ZNF136: variants seen among roughly 807,000 people sequenced by gnomAD.
ZNF136 encodes the protein zinc finger protein 136, also known as zinc finger protein 136 (clone pHZ-20).
A neutral mutation model predicts 11.4 loss-of-function variants in ZNF136; 8 were observed. The ratio of observed to expected loss-of-function variants is 0.70; its 90% CI spans 0.41 to 1.27. ZNF136 has a LOEUF of 1.27. Among genes scored for constraint, ZNF136 ranks in the 50% most tolerant of loss-of-function variants. The pLI, the probability that ZNF136 is intolerant of heterozygous loss-of-function variation, is 0.01. For missense variants in ZNF136, 590 were observed against 656.5 expected, an observed-to-expected ratio of 0.90 and a Z score of 1.11; for synonymous variants, 190 against 207.1, an observed-to-expected ratio of 0.92 and a Z score of 0.71.
chr19:12,166,227 C>CAAAAA (rs748858496), intron 1 of ZNF136, among the ~76,000 whole-genome samples: 1,990 of 135,182 alleles, frequency 0.015, 41 homozygotes, highest in African/African-American at 0.052. Context: ...GACTCCGTCT[C>CAAAAA]AAAAAAAAAA....
chr19:12,184,654 C>G (rs551700497), intron 1 of ZNF136: 1 of 151,798 alleles, frequency 6.6e-6, no homozygotes, highest in African/African-American at 2.4e-5. Context: ...CAAGTATTCT[C>G]TCTTAGTATA....
chr19:12,173,039 A>T (rs111328551), intron 1 of ZNF136, among the ~76,000 whole-genome samples: 24 of 152,084 alleles, frequency 1.6e-4, no homozygotes, highest in African/African-American at 5.8e-4. Flanking sequence ...TCCCGGAGAG[A>T]GGAGAGTAGC....
intron 1 of ZNF136, among the ~76,000 whole-genome samples, chr19:12,175,565 GC>G (rs1480287111): frequency 6.6e-6 from 1 of 152,110 alleles, no homozygotes; most frequent in Non-Finnish European, 1.5e-5. Context: ...GTTCCCTTAT[GC>G]CCCCTATTCC....
Position 12,186,180 on chromosome 19 carries a change from T to C in ZNF136, c.191+6T>C. On this transcript the variant is annotated splice_donor_region_variant and intron_variant, in intron 3 of 3. Coordinates refer to ENST00000343979, the MANE Select transcript of ZNF136 (RefSeq NM_003437.5). The stretch of plus-strand genomic sequence containing the variant: ...CACCGAGGGAGAAATCTAAGGTAAT[T>C]TGTACTCAGAGAAAGCAAATTCACT... 3.1e-6 allele frequency: 5 copies of C among 1,606,988 alleles called. No homozygotes were observed. The highest frequency in any genetic ancestry group is 4.2e-6 in the Non-Finnish European group (5 of 1,178,082).
rs1350306069 is a variant in ZNF136 at position 12,188,832 on chromosome 19, A to C, written c.*831A>C. On this transcript the variant is annotated 3_prime_UTR_variant, in exon 4 of 4. Transcript: ENST00000343979. Reference sequence around the variant, plus strand: ...GTCATTTGAAAACTTCTAATACAGCAAAATCCTATAAATGTAAGTACTTCA... The same window carrying C: ...GTCATTTGAAAACTTCTAATACAGCCAAATCCTATAAATGTAAGTACTTCA... 1 of 152,170 alleles carries C rather than the reference A, an allele frequency of 6.6e-6. No homozygotes were observed. The highest frequency in any genetic ancestry group is 6.5e-5 in the Admixed American group (1 of 15,268). 9.4% of individuals were successfully genotyped at this position (152,170 alleles called of 1,614,324 possible). A position where few individuals can be genotyped will look rare whatever the true frequency, so the allele number is the denominator to read the frequency against.
At chr19:12,171,783 T>C (rs1310930851) in intron 1 of ZNF136, among the ~76,000 whole-genome samples, 1 of 152,000 alleles carries the variant, frequency 6.6e-6, no homozygotes, top group Admixed American at 6.6e-5. Context: ...GAGTTGACTT[T>C]GGCTCTTCCT....
chr19:12,173,762 A>T (rs1914718918), intron 1 of ZNF136, among the ~76,000 whole-genome samples: 1 of 152,154 alleles, frequency 6.6e-6, no homozygotes, highest in Admixed American at 6.5e-5. Context: ...TGGTCTTGCC[A>T]CTGCTGTCGG....
At chr19:12,180,468 G>A (rs1047374540) in intron 1 of ZNF136, among the ~76,000 whole-genome samples, 4 of 152,042 alleles carry the variant, frequency 2.6e-5, no homozygotes, top group Non-Finnish European at 5.9e-5. Flanking sequence ...AGAAAGGAGA[G>A]GGGTTGAAAA....
rs386388563 is a variant in ZNF136, at chr19:12,168,057, C to CTTTTTTTTTTTTTTTTT, written c.3+4865_3+4881dup. 1.3e-3 allele frequency among the ~76,000 whole-genome samples: 92 copies of CTTTTTTTTTTTTTTTTT among 71,158 alleles called. 12 individuals are homozygous for CTTTTTTTTTTTTTTTTT. Among genetic ancestry groups the CTTTTTTTTTTTTTTTTT allele is most frequent in the African/African-American group, 1.7e-3 (30 of 17,264 alleles). The allele number at this position is 71,158 out of a possible 152,430, so 46.7% of individuals were successfully genotyped here. A position where few individuals can be genotyped will look rare whatever the true frequency, so the allele number is the denominator to read the frequency against. On this transcript the variant is annotated intron_variant, in intron 1 of 3. Coordinates refer to ENST00000343979, the MANE Select transcript of ZNF136 (RefSeq NM_003437.5). ...GCCCATTTTTTTTTCTTTTCTTTTT[C>CTTTTTTTTTTTTTTTTT]TTTTTTTTTTTTTTTTTTTTTTTTT...
Position 12,163,126 on chromosome 19 carries a change from T to A in ZNF136, c.-78T>A. 1 of 1,379,098 alleles carries A rather than the reference T, an allele frequency of 7.3e-7. No individual in the cohort carries two copies. The highest frequency in any genetic ancestry group is 9.5e-7 in the Non-Finnish European group (1 of 1,058,016). The allele number at this position is 1,379,098 out of a possible 1,614,324, so 85.4% of individuals were successfully genotyped here. A position where few individuals can be genotyped will look rare whatever the true frequency, so the allele number is the denominator to read the frequency against. On this transcript the variant is annotated 5_prime_UTR_variant, in exon 1 of 4. Coordinates refer to ENST00000343979, the MANE Select transcript of ZNF136 (RefSeq NM_003437.5). The stretch of plus-strand genomic sequence containing the variant: ...TCCCAGAGGCCCAGAGTGGCTCGCC[T>A]GGAGTCTCTGTGGCGCGGTTTCCTG...
intron 1 of ZNF136, among the ~76,000 whole-genome samples, chr19:12,175,381 G>C (rs1568400093): frequency 6.6e-6 from 1 of 152,054 alleles, no homozygotes; most frequent in African/African-American, 2.4e-5. Flanking sequence ...TTTTAGTAGA[G>C]ACAGGGTTTT....
chr19:12,169,956 G>A (rs568705868), intron 1 of ZNF136, among the ~76,000 whole-genome samples: 41 of 151,984 alleles, frequency 2.7e-4, no homozygotes, highest in Non-Finnish European at 4.0e-4. Flanking sequence ...CACCACGTCC[G>A]GCTAATTTTT....
In ZNF136 at chr19:12,187,032, C is replaced by T. The variant is rs373676493; in HGVS notation, c.654C>T (p.His218=). The change falls in exon 4 of 4, where the codon CAC becomes CAT. Residue 218 remains histidine (H), a synonymous_variant. Transcript: ENST00000343979. Reference sequence around the variant, plus strand: ...GATTTCGAACACATGAAAGAAGTCACACTGGAGAGAAACCCTATGAATGTC... The same window carrying T: ...GATTTCGAACACATGAAAGAAGTCATACTGGAGAGAAACCCTATGAATGTC... ...PSRFRTHERS[H]TGEKPYECQE... 146 of 1,613,988 alleles carry T rather than the reference C, an allele frequency of 9.0e-5. No homozygotes were observed. Among genetic ancestry groups the T allele is most frequent in the Non-Finnish European group, 1.2e-4 (136 of 1,180,014 alleles).
chr19:12,174,655 A>G (rs1246660381), intron 1 of ZNF136, among the ~76,000 whole-genome samples: 1 of 149,882 alleles, frequency 6.7e-6, no homozygotes, highest in Non-Finnish European at 1.5e-5. Context: ...TTTTTTTTTG[A>G]GACGGAGTCT....
chr19:12,187,257 A>G lies in ZNF136; in HGVS notation c.879A>G (p.Pro293=), dbSNP rs1340037817. The G allele has an allele frequency of 1.2e-6, 2 of 1,613,772 alleles. No individual in the cohort carries two copies. Among genetic ancestry groups the G allele is most frequent in the African/African-American group, 1.3e-5 (1 of 74,860 alleles). ...KQCGKAFSCS[P]TLRIHERTHT... ...GTGGTAAAGCCTTCAGTTGTTCCCC[A>G]ACCTTACGAATACATGAAAGAACCC... The change falls in exon 4 of 4, where the codon CCA becomes CCG. Residue 293 remains proline, a synonymous_variant. Transcript: ENST00000343979.
chr19:12,185,550 G>A (rs1333900195), intron 1 of ZNF136: 11 of 442,198 alleles, frequency 2.5e-5, no homozygotes, highest in Middle Eastern at 6.4e-4. Flanking sequence ...CAGGCAGCAC[G>A]TATTACTCCT....
At chr19:12,169,572 T>C (rs1199075820) in intron 1 of ZNF136, among the ~76,000 whole-genome samples, 1 of 151,818 alleles carries the variant, frequency 6.6e-6, no homozygotes, top group Non-Finnish European at 1.5e-5. Context: ...TCATCCTCCT[T>C]CTCTGTACCC....
chr19:12,187,124 A>G lies in ZNF136; in HGVS notation c.746A>G (p.Asp249Gly), dbSNP rs1915123540. 6.2e-7 allele frequency: 1 copy of G among 1,614,154 alleles called. No homozygotes were observed. Among genetic ancestry groups the G allele is most frequent in the Non-Finnish European group, 8.5e-7 (1 of 1,180,016 alleles). Residue 249 changes from aspartate to glycine, a missense_variant, in exon 4 of 4, where the codon GAT becomes GGT. By Grantham distance (94) the Asp-to-Gly change is moderately conservative. Coordinates refer to ENST00000343979, the MANE Select transcript of ZNF136 (RefSeq NM_003437.5). ...VRRHMIKHTG[D>G]GPYKCKVCGK... ...AGACACATGATAAAGCACACTGGAG[A>G]TGGACCTTATAAATGTAAGGTATGT...
chr19:12,183,559 CTA>C (rs1915001105), intron 1 of ZNF136, among the ~76,000 whole-genome samples: 1 of 127,822 alleles, frequency 7.8e-6, no homozygotes, highest in Non-Finnish European at 1.7e-5. Flanking sequence ...ATCTATCTAT[CTA>C]TCTATCTATC....
Sources: allele counts gnomAD v4.1 joint callset (sites outside exome capture counted in the v4.1 genomes callset), GRCh38; gene constraint gnomAD v4.1.1; transcripts MANE v1.5; gene names NCBI Gene and HGNC (gene_info 2026-07-23, HGNC 2026-07-21).